PRKDC: variants seen among roughly 807,000 people sequenced by gnomAD.
PRKDC encodes protein kinase, DNA-activated, catalytic subunit.
In PRKDC, 82 loss-of-function variants were observed where a neutral mutation model predicts 486.9. The ratio of observed to expected loss-of-function variants is 0.17; its 90% CI spans 0.14 to 0.20. The LOEUF is 0.20. PRKDC is among the 10% of genes least tolerant of loss of function. PRKDC has a pLI of 1.00. For missense variants in PRKDC, 4,504 were observed against 5,038.2 expected (o/e 0.89, Z 3.21); for synonymous variants, 1,895 against 1,837.0 (o/e 1.03, Z -0.81).
rs746172040 is a variant in PRKDC, at chr8:47,864,680, C to T, written c.5447G>A (p.Arg1816His). The change falls in exon 41 of 86, where the codon CGC (arginine) becomes CAC (histidine). Residue 1816 changes from arginine to histidine, a missense_variant. Physicochemically the swap from Arg to His is conservative, Grantham distance 29. Around this residue, in one of 6 missense-constraint regions of PRKDC, gnomAD observed 1,969 missense variants for 2,068.9 expected, o/e 0.95. Transcript: ENST00000314191. ...RKDDPRLSFT[R>H]QSFVDRSLLT... Reference sequence around the variant, plus strand: ...GAGGGAGCGGTCCACAAAGGACTGGCGTGTGAAACTTAGGCGGGGGTCATC... The same window carrying T: ...GAGGGAGCGGTCCACAAAGGACTGGTGTGTGAAACTTAGGCGGGGGTCATC... 6 of 1,607,748 alleles carry T rather than the reference C, an allele frequency of 3.7e-6. No homozygotes were observed. The highest frequency in any genetic ancestry group is 4.5e-5 in the East Asian group (2 of 44,732).
intron 77 of PRKDC, chr8:47,784,011 C>T: frequency 1.8e-6 from 1 of 549,420 alleles, no homozygotes; most frequent in Non-Finnish European, 3.3e-6. Flanking sequence ...GTAATCCCAG[C>T]ACTTTGGGAG....
chr8:47,819,568 A>C (rs2087536339), intron 66 of PRKDC, 58 bp from the exon 67 acceptor site: 1 of 935,738 alleles, frequency 1.1e-6, no homozygotes. Context: ...TAAATCAATC[A>C]AGCTGTGACT....
intron 59 of PRKDC, among the ~76,000 whole-genome samples, chr8:47,832,128 G>C (rs8178180): frequency 1.3e-5 from 2 of 152,226 alleles, no homozygotes; most frequent in African/African-American, 4.8e-5. Context: ...AACGGGCCAG[G>C]CCCCTCCAGA....
intron 10 of PRKDC, among the ~76,000 whole-genome samples, chr8:47,940,739 G>A (rs1346195934): frequency 6.6e-6 from 1 of 152,106 alleles, no homozygotes; most frequent in Non-Finnish European, 1.5e-5. Context: ...ACTATTTCCT[G>A]GATATAGTAT....
intron 40 of PRKDC, among the ~76,000 whole-genome samples, chr8:47,866,151 C>T (rs566114924): frequency 1.0e-4 from 14 of 134,406 alleles, no homozygotes; most frequent in Non-Finnish European, 1.9e-4. Context: ...AGAGAAACTC[C>T]GTCGCAAAAA....
At chr8:47,894,051 T>C (rs1363592822) in intron 30 of PRKDC, among the ~76,000 whole-genome samples, 1 of 152,038 alleles carries the variant, frequency 6.6e-6, no homozygotes, top group African/African-American at 2.4e-5. Flanking sequence ...GGGGCTGAGA[T>C]GGGCGGATCA....
chr8:47,773,710 T>G lies in PRKDC; in HGVS notation c.*463A>C, dbSNP rs1007468591. 4.4e-6 allele frequency: 1 copy of G among 227,118 alleles called. No homozygotes were observed. The highest frequency in any genetic ancestry group is 2.2e-5 in the African/African-American group (1 of 45,032). 14.1% of individuals were successfully genotyped at this position (227,118 alleles called of 1,614,324 possible). A position where few individuals can be genotyped will look rare whatever the true frequency, so the allele number is the denominator to read the frequency against. On this transcript the variant is annotated 3_prime_UTR_variant, in exon 86 of 86. Transcript: ENST00000314191. ...TTGTTCTTATTGTTCCTATGCTGCTTCTACAATGTTACATCAACTATACTT... is the reference window on the plus strand; with the variant it reads ...TTGTTCTTATTGTTCCTATGCTGCTGCTACAATGTTACATCAACTATACTT...
At chr8:47,858,767 T>C in intron 47 of PRKDC, 82 bp downstream of exon 47, 1 of 1,513,154 alleles carries the variant, frequency 6.6e-7, no homozygotes, top group Non-Finnish European at 8.8e-7. Flanking sequence ...GCAGTTTGGT[T>C]TTGTTTTCAA....
intron 25 of PRKDC, among the ~76,000 whole-genome samples, chr8:47,906,041 T>G (rs1437355605): frequency 1.3e-5 from 2 of 152,188 alleles, no homozygotes; most frequent in South Asian, 2.1e-4. Flanking sequence ...GATCTAACCC[T>G]CATTATACAT....
At chr8:47,938,833 A>G (rs1209822740) in intron 11 of PRKDC, among the ~76,000 whole-genome samples, 1 of 152,186 alleles carries the variant, frequency 6.6e-6, no homozygotes, top group Admixed American at 6.5e-5. Flanking sequence ...AAGCGGTGAG[A>G]TGGTGAGATT....
intron 21 of PRKDC, among the ~76,000 whole-genome samples, chr8:47,920,850 G>A (rs1015449645): frequency 1.3e-5 from 2 of 152,046 alleles, no homozygotes; most frequent in African/African-American, 4.8e-5. Context: ...CCATTTTTAG[G>A]TATATAATTG....
At chr8:47,831,792 A>T in intron 60 of PRKDC, 22 bp downstream of exon 60, 1 of 1,609,914 alleles carries the variant, frequency 6.2e-7, no homozygotes, top group Non-Finnish European at 8.5e-7. Context: ...CGTTCTGATC[A>T]AATTCTTGAC....
intron 48 of PRKDC, 132 bp downstream of exon 48, chr8:47,858,384 G>GCC (rs2088593649): frequency 1.2e-6 from 1 of 822,120 alleles, no homozygotes; most frequent in Admixed American, 3.7e-5. Flanking sequence ...GTCATGCTCT[G>GCC]CCCCTTTATA....
chr8:47,780,394 C>T lies in PRKDC; in HGVS notation c.11490-1301G>A, dbSNP rs138699217. Among the ~76,000 whole-genome samples, 526 of 152,172 alleles carry T rather than the reference C, an allele frequency of 3.5e-3. 2 individuals are homozygous for T. The highest frequency in any genetic ancestry group is 0.012 in the African/African-American group (494 of 41,516). ...ACTTGAAAAGCTGTTTTCAGTGTTTCCTAGGAAAAAGGCAGTACCTGGGCA... is the reference window on the plus strand; with the variant it reads ...ACTTGAAAAGCTGTTTTCAGTGTTTTCTAGGAAAAAGGCAGTACCTGGGCA... On this transcript the variant is annotated intron_variant, in intron 80 of 85. Coordinates refer to ENST00000314191, the MANE Select transcript of PRKDC (RefSeq NM_006904.7).
chr8:47,850,585 G>A (rs530800586), intron 52 of PRKDC, among the ~76,000 whole-genome samples: 4 of 152,102 alleles, frequency 2.6e-5, no homozygotes, highest in South Asian at 2.1e-4. Context: ...AAATTTCAAC[G>A]GCCTGAACCC....
chr8:47,946,299 C>G (rs1009799890), intron 7 of PRKDC, among the ~76,000 whole-genome samples: 13 of 152,186 alleles, frequency 8.5e-5, no homozygotes, highest in African/African-American at 3.1e-4. Context: ...CCACTGCACT[C>G]CAACAAGACT....
chr8:47,903,042 T>C (rs1428398736), intron 26 of PRKDC, among the ~76,000 whole-genome samples: 2 of 152,104 alleles, frequency 1.3e-5, no homozygotes, highest in East Asian at 1.9e-4. Flanking sequence ...TGAAAAGCCA[T>C]GAAGAGGGGA....
Position 47,897,303 on chromosome 8 carries a change from A to G in PRKDC, c.3465-9T>C. On this transcript the variant is annotated splice_polypyrimidine_tract_variant and intron_variant, in intron 29 of 85. Transcript: ENST00000314191. Reference sequence around the variant, plus strand: ...CGGAAGGTGGAAATCCTCTGCACAGAGACAGCATACTGTCATTAGTCCCTC... The same window carrying G: ...CGGAAGGTGGAAATCCTCTGCACAGGGACAGCATACTGTCATTAGTCCCTC... The G allele has an allele frequency of 6.4e-7, 1 of 1,567,844 alleles. No homozygotes were observed. Among genetic ancestry groups the G allele is most frequent in the Non-Finnish European group, 8.7e-7 (1 of 1,147,936 alleles).
At chr8:47,859,124 A>C in intron 46 of PRKDC, 138 bp from the exon 47 acceptor site, 1 of 932,190 alleles carries the variant, frequency 1.1e-6, no homozygotes, top group Non-Finnish European at 1.6e-6. Flanking sequence ...TAATAATATC[A>C]AATACACTCA....
Sources: allele counts gnomAD v4.1 joint callset (sites outside exome capture counted in the v4.1 genomes callset), GRCh38; gene constraint gnomAD v4.1.1; regional missense constraint gnomAD v4.1.1; transcripts MANE v1.5; gene names NCBI Gene and HGNC (gene_info 2026-07-23, HGNC 2026-07-21).